IFT74: variants seen among roughly 807,000 people sequenced by gnomAD.
IFT74 encodes intraflagellar transport protein 74 homolog.
IFT74 carries 92 observed loss-of-function variants against 96.7 expected under a neutral mutation model. The ratio of observed to expected loss-of-function variants is 0.95; its 90% CI spans 0.80 to 1.13. The LOEUF (loss-of-function observed/expected upper bound fraction) is 1.13, where lower values mean the gene tolerates loss of function less well. Ranked by LOEUF, IFT74 falls within the 50% of genes most tolerant of loss-of-function variation. The probability of loss-of-function intolerance (pLI) is 0.00; values close to 1 mark genes in which losing one functional copy is unlikely to be tolerated. For synonymous variants in IFT74, 223 were observed against 213.2 expected, an observed-to-expected ratio of 1.05 and a Z score of -0.40; for missense variants, 811 against 698.2, an observed-to-expected ratio of 1.16 and a Z score of -1.82.
chr9:27,062,533 A>C, intron 19 of IFT74, 85 bp from the exon 20 acceptor site: 3 of 705,416 alleles, frequency 4.3e-6, no homozygotes, highest in Non-Finnish European at 7.4e-6. Context: ...CATCTTCAGT[A>C]TGAAAAATGT....
chr9:27,025,209 C>T lies in IFT74; in HGVS notation c.975-3816C>T, dbSNP rs972817218. On this transcript the variant is annotated intron_variant, in intron 12 of 19. Transcript: ENST00000380062. ...CCTGTAATCCCAGCACTTTGGGAGG[C>T]CGAGGTGGGCGGAACATGAGGTCAG... 2.0e-5 allele frequency among the ~76,000 whole-genome samples: 3 copies of T among 151,820 alleles called. No homozygotes were observed. The East Asian group carries it at 5.8e-4, about 29-fold the overall frequency.
At chr9:27,060,402 A>C (rs1228165394) in intron 18 of IFT74, among the ~76,000 whole-genome samples, 189 bp from the exon 19 acceptor site, 1 of 151,900 alleles carries the variant, frequency 6.6e-6, no homozygotes, top group South Asian at 2.1e-4. Context: ...AACATGTTAT[A>C]GGATTCATCA....
At chr9:27,058,888 A>T (rs1343946202) in intron 18 of IFT74, among the ~76,000 whole-genome samples, 1 of 152,230 alleles carries the variant, frequency 6.6e-6, no homozygotes, top group Non-Finnish European at 1.5e-5. Context: ...CTAGATATAG[A>T]CTTATAATTG....
At chr9:27,010,500 T>G (rs28465030) in intron 9 of IFT74, among the ~76,000 whole-genome samples, 3 of 145,686 alleles carry the variant, frequency 2.1e-5, no homozygotes, top group African/African-American at 7.7e-5. Flanking sequence ...TTTTTTTTTG[T>G]TTTTTTTGAG....
intron 6 of IFT74, among the ~76,000 whole-genome samples, chr9:26,986,436 C>T (rs569610924): frequency 4.6e-5 from 7 of 151,792 alleles, no homozygotes; most frequent in African/African-American, 1.7e-4. Context: ...CCACCTAAGC[C>T]TCCCAAGCAG....
intron 2 of IFT74, among the ~76,000 whole-genome samples, chr9:26,977,904 TC>T (rs1827195249): frequency 1.3e-5 from 2 of 152,346 alleles, no homozygotes; most frequent in South Asian, 2.1e-4. Flanking sequence ...TTTAAAATTT[TC>T]CTGAAATGTA....
chr9:26,992,869 G>T (rs972699282), intron 8 of IFT74, among the ~76,000 whole-genome samples: 1 of 152,104 alleles, frequency 6.6e-6, no homozygotes, highest in African/African-American at 2.4e-5. Flanking sequence ...GGTGTAAAAA[G>T]CTTCTGTTTT....
intron 1 of IFT74, among the ~76,000 whole-genome samples, chr9:26,960,515 A>C (rs904506383): frequency 6.6e-6 from 1 of 152,228 alleles, no homozygotes. Context: ...TTCACGTTTA[A>C]GTATCTTGGT....
intron 6 of IFT74, 100 bp downstream of exon 6, chr9:26,984,659 T>C (rs1269108048): frequency 3.5e-6 from 3 of 866,414 alleles, no homozygotes; most frequent in African/African-American, 3.4e-5. Flanking sequence ...GCACAGATAC[T>C]TTTCAAAAGA....
intron 18 of IFT74, among the ~76,000 whole-genome samples, chr9:27,057,844 C>T (rs757166334): frequency 1.3e-4 from 20 of 151,384 alleles, no homozygotes; most frequent in African/African-American, 3.2e-4. Flanking sequence ...GGTGACAGAG[C>T]GAGACTCTGT....
chr9:27,019,322 C>T (rs918578659), intron 12 of IFT74, among the ~76,000 whole-genome samples: 6 of 152,050 alleles, frequency 3.9e-5, no homozygotes, highest in Non-Finnish European at 2.9e-5. Context: ...CATCACCTCC[C>T]TTATCCCTCT....
intron 8 of IFT74, among the ~76,000 whole-genome samples, chr9:26,992,425 G>A (rs1412967562): frequency 6.6e-6 from 1 of 152,146 alleles, no homozygotes; most frequent in Non-Finnish European, 1.5e-5. Context: ...AGGTGCAGTG[G>A]CTCATGCCTG....
intron 8 of IFT74, among the ~76,000 whole-genome samples, chr9:26,997,209 T>C (rs556213190): frequency 7.2e-6 from 1 of 138,418 alleles, no homozygotes; most frequent in South Asian, 2.7e-4. Flanking sequence ...CAAAACTCTG[T>C]CTCAAAAAAA....
intron 13 of IFT74, among the ~76,000 whole-genome samples, chr9:27,032,201 T>G (rs1305933355): frequency 1.3e-5 from 2 of 152,230 alleles, no homozygotes; most frequent in Non-Finnish European, 2.9e-5. Flanking sequence ...ATTTCAACTT[T>G]CTCAAGTCTG....
At chr9:27,042,290 A>G (rs547797716) in intron 13 of IFT74, among the ~76,000 whole-genome samples, 71 of 152,330 alleles carry the variant, frequency 4.7e-4, no homozygotes, top group Non-Finnish European at 8.5e-4. Context: ...GAAGTTCATT[A>G]AGAACAGAAC....
At chr9:27,012,616 T>G (rs1020036251) in intron 10 of IFT74, among the ~76,000 whole-genome samples, 1 of 152,090 alleles carries the variant, frequency 6.6e-6, no homozygotes, top group African/African-American at 2.4e-5. Flanking sequence ...AAACTTACTT[T>G]TTTTATTCAT....
intron 8 of IFT74, chr9:26,995,770 A>G (rs759985736): frequency 3.7e-6 from 6 of 1,613,730 alleles, no homozygotes; most frequent in Admixed American, 1.7e-5. Flanking sequence ...TGATAGCAAT[A>G]AAAATGAGAA....
At chr9:26,997,493 C>T (rs1426891946) in intron 8 of IFT74, among the ~76,000 whole-genome samples, 1 of 151,974 alleles carries the variant, frequency 6.6e-6, no homozygotes, top group Non-Finnish European at 1.5e-5. Flanking sequence ...GCCACCATAC[C>T]CAGCTAATTT....
intron 12 of IFT74, among the ~76,000 whole-genome samples, chr9:27,018,958 AT>A (rs891881776): frequency 1.3e-5 from 2 of 151,910 alleles, no homozygotes; most frequent in Admixed American, 6.6e-5. Context: ...GATCACCTTT[AT>A]TTTTCAATTT....
Sources: allele counts gnomAD v4.1 joint callset (sites outside exome capture counted in the v4.1 genomes callset), GRCh38; gene constraint gnomAD v4.1.1; transcripts MANE v1.5; gene names NCBI Gene and HGNC (gene_info 2026-07-23, HGNC 2026-07-21).